The following TRPC4AP variants were observed in gnomAD, a reference collection of about 807,000 sequenced individuals.
TRPC4AP encodes the protein short transient receptor potential channel 4-associated protein.
A neutral mutation model predicts 99.0 loss-of-function variants in TRPC4AP; 45 were observed. The observed-to-expected ratio is 0.45, with a 90% CI of 0.36 to 0.58. The LOEUF is 0.58. Ranked by LOEUF, TRPC4AP falls within the 20% of genes least tolerant of loss-of-function variation. The pLI is 0.00. For missense variants in TRPC4AP, 879 were observed against 985.3 expected, an observed-to-expected ratio of 0.89 and a Z score of 1.44; for synonymous variants, 408 against 385.8, an observed-to-expected ratio of 1.06 and a Z score of -0.67.
intron 2 of TRPC4AP, among the ~76,000 whole-genome samples, chr20:35,076,300 C>T (rs1390688076): frequency 6.6e-6 from 1 of 152,192 alleles, no homozygotes; most frequent in Non-Finnish European, 1.5e-5. Context: ...TGTTCCGTTG[C>T]TGGTGAGGAG....
chr20:35,049,833 T>C (rs747769527), intron 6 of TRPC4AP, 33 bp downstream of exon 6: 69 of 1,593,494 alleles, frequency 4.3e-5, no homozygotes, highest in Non-Finnish European at 5.5e-5. Flanking sequence ...GAGACACCCT[T>C]CCCCATCTGG....
chr20:35,075,537 G>A lies in TRPC4AP; in HGVS notation c.297+2509C>T, dbSNP rs181160367. Among the ~76,000 whole-genome samples the A allele has an allele frequency of 1.2e-3, 187 of 152,288 alleles. 1 individual carries two copies. The highest frequency in any genetic ancestry group is 4.3e-3 in the African/African-American group (179 of 41,576). ...TATGAAGCTTAGTTTGGCTGGATAT[G>A]AAACTCTGGGTTGAAAATTCTTTTC... On this transcript the variant is annotated intron_variant, in intron 2 of 18. Coordinates refer to ENST00000252015, the MANE Select transcript of TRPC4AP (RefSeq NM_015638.3).
intron 8 of TRPC4AP, among the ~76,000 whole-genome samples, chr20:35,027,902 G>A (rs1163279507): frequency 6.6e-6 from 1 of 151,984 alleles, no homozygotes; most frequent in Non-Finnish European, 1.5e-5. Flanking sequence ...TTTGGTCAGT[G>A]TGGCTAAAAG....
At chr20:35,004,422 G>C (rs372520839) in intron 17 of TRPC4AP, 36 bp downstream of exon 17, 5 of 1,572,582 alleles carry the variant, frequency 3.2e-6, no homozygotes, top group Non-Finnish European at 4.3e-6. Context: ...GTTTCCAATC[G>C]ACCTTCCCTG....
Position 35,012,991 on chromosome 20 carries a change from G to C in TRPC4AP, c.1409+17C>G, listed in dbSNP as rs1569084489. Reference sequence around the variant, plus strand: ...ACAGCCCAACAACTCTCCTTGCAGGGACACTCTTGTACTTACTCGTGGTGG... The same window carrying C: ...ACAGCCCAACAACTCTCCTTGCAGGCACACTCTTGTACTTACTCGTGGTGG... On this transcript the variant is annotated intron_variant, in intron 11 of 18. Transcript: ENST00000252015. 1.9e-6 allele frequency: 3 copies of C among 1,613,892 alleles called. No homozygotes were observed. The highest frequency in any genetic ancestry group is 1.1e-5 in the South Asian group (1 of 91,068).
intron 9 of TRPC4AP, among the ~76,000 whole-genome samples, chr20:35,017,999 C>T (rs6579210): frequency 0.14 from 21,508 of 152,104 alleles, 1,943 homozygotes; most frequent in African/African-American, 0.26. Context: ...TGGGGAGGTA[C>T]GGCTGACATC....
At chr20:35,073,714 G>T (rs2084389910) in intron 2 of TRPC4AP, among the ~76,000 whole-genome samples, 1 of 152,164 alleles carries the variant, frequency 6.6e-6, no homozygotes, top group Non-Finnish European at 1.5e-5. Flanking sequence ...GTTCATCAGG[G>T]ATATTGGTCT....
chr20:35,008,423 T>C (rs2082560141), intron 13 of TRPC4AP, among the ~76,000 whole-genome samples: 1 of 152,094 alleles, frequency 6.6e-6, no homozygotes, highest in African/African-American at 2.4e-5. Flanking sequence ...CTCCCACCCA[T>C]AAGGCACCAG....
intron 7 of TRPC4AP, among the ~76,000 whole-genome samples, chr20:35,036,101 T>C (rs544497769): frequency 5.3e-5 from 8 of 152,372 alleles, no homozygotes; most frequent in Admixed American, 1.3e-4. Flanking sequence ...AATCTCATTT[T>C]ATTCACAATG....
intron 16 of TRPC4AP, 81 bp from the exon 17 acceptor site, chr20:35,004,651 TG>T: frequency 8.3e-7 from 1 of 1,209,090 alleles, no homozygotes; most frequent in South Asian, 1.3e-5. Context: ...GAGCCCCGCT[TG>T]GGTCCTGACT....
chr20:35,075,972 T>C (rs1213848411), intron 2 of TRPC4AP, among the ~76,000 whole-genome samples: 1 of 152,234 alleles, frequency 6.6e-6, no homozygotes, highest in Non-Finnish European at 1.5e-5. Flanking sequence ...TATTCTTTTT[T>C]CTCTAAACTT....
At chr20:35,075,414 T>C (rs1242638662) in intron 2 of TRPC4AP, among the ~76,000 whole-genome samples, 1 of 152,232 alleles carries the variant, frequency 6.6e-6, no homozygotes, top group African/African-American at 2.4e-5. Context: ...CCTTTCCATG[T>C]TTAGCGCTTC....
At chr20:35,061,486 G>A (rs926785537) in intron 3 of TRPC4AP, among the ~76,000 whole-genome samples, 1 of 152,138 alleles carries the variant, frequency 6.6e-6, no homozygotes, top group Non-Finnish European at 1.5e-5. Flanking sequence ...AGCTGATCCT[G>A]AAATTCACAT....
At chr20:35,090,204 G>C (rs145780927) in intron 1 of TRPC4AP, among the ~76,000 whole-genome samples, 1 of 143,952 alleles carries the variant, frequency 6.9e-6, no homozygotes, top group Non-Finnish European at 1.5e-5. Context: ...ACTAAGAAAA[G>C]AAATATTTGA....
chr20:35,086,201 C>A (rs55993524), intron 1 of TRPC4AP, among the ~76,000 whole-genome samples: 1 of 151,894 alleles, frequency 6.6e-6, no homozygotes, highest in Non-Finnish European at 1.5e-5. Context: ...TTAAAGAATC[C>A]GTCTAGCTCG....
intron 6 of TRPC4AP, among the ~76,000 whole-genome samples, chr20:35,049,488 T>TAGAGA (rs3830959): frequency 0.73 from 109,690 of 151,252 alleles, 40,073 homozygotes; most frequent in Middle Eastern, 0.83. Flanking sequence ...CAGATAGCGG[T>TAGAGA]AAAGTGGTAA....
At chr20:35,028,472 AT>A (rs1240699790) in intron 8 of TRPC4AP, among the ~76,000 whole-genome samples, 1 of 152,178 alleles carries the variant, frequency 6.6e-6, no homozygotes, top group Non-Finnish European at 1.5e-5. Flanking sequence ...ATTTGCATGT[AT>A]TTATTAATTT....
chr20:35,087,051 C>T (rs2084905578), intron 1 of TRPC4AP, among the ~76,000 whole-genome samples: 1 of 145,838 alleles, frequency 6.9e-6, no homozygotes, highest in Non-Finnish European at 1.5e-5. Flanking sequence ...AGAAGTCAGC[C>T]AGGCGCAGTG....
chr20:35,049,858 C>A lies in TRPC4AP; in HGVS notation c.657+8G>T, dbSNP rs772544135. ...TCCCCATCTGGTCAGCTAGAGGACA[C>A]AGCTCACCTTTTTAACACCCAAAAT... On this transcript the variant is annotated splice_region_variant and intron_variant, in intron 6 of 18. Transcript: ENST00000252015. 1.9e-6 allele frequency: 3 copies of A among 1,611,694 alleles called. 1 individual carries two copies. Among genetic ancestry groups the A allele is most frequent in the South Asian group, 1.1e-5 (1 of 90,724 alleles).
Sources: allele counts gnomAD v4.1 joint callset (sites outside exome capture counted in the v4.1 genomes callset), GRCh38; gene constraint gnomAD v4.1.1; transcripts MANE v1.5; gene names NCBI Gene and HGNC (gene_info 2026-07-23, HGNC 2026-07-21).